The following KCNB2 variants were observed in gnomAD, a reference collection of about 807,000 sequenced individuals.
The protein encoded by KCNB2 is potassium voltage-gated channel subfamily B member 2, also known as delayed rectifier potassium channel protein.
Under a neutral mutation model 61.5 loss-of-function variants are expected in KCNB2, and 15 were observed. That is an observed-to-expected ratio of 0.24 (90% CI 0.16 to 0.38). The LOEUF (loss-of-function observed/expected upper bound fraction) is 0.38, where lower values mean the gene tolerates loss of function less well. Ranked by LOEUF, KCNB2 falls within the 10% of genes least tolerant of loss-of-function variation. The probability of loss-of-function intolerance (pLI) is 1.00; values close to 1 mark genes in which losing one functional copy is unlikely to be tolerated. For missense variants in KCNB2, 828 were observed against 1,125.2 expected (o/e 0.74, Z 3.78); for synonymous variants, 457 against 446.0 (o/e 1.02, Z -0.31).
intron 2 of KCNB2, among the ~76,000 whole-genome samples, chr8:72,575,006 A>G (rs1806773247): frequency 6.6e-6 from 1 of 152,216 alleles, no homozygotes; most frequent in Non-Finnish European, 1.5e-5. Flanking sequence ...ATTAAAAGGA[A>G]GAAGACAAAC....
At chr8:72,799,937 G>A (rs1353235533) in intron 2 of KCNB2, among the ~76,000 whole-genome samples, 1 of 152,120 alleles carries the variant, frequency 6.6e-6, no homozygotes, top group African/African-American at 2.4e-5. Context: ...TGGCAAGGCT[G>A]CGGTCCATTT....
At chr8:72,613,597 G>C (rs970877562) in intron 2 of KCNB2, among the ~76,000 whole-genome samples, 4 of 152,156 alleles carry the variant, frequency 2.6e-5, no homozygotes, top group Non-Finnish European at 2.9e-5. Flanking sequence ...GTGTTCAGTT[G>C]GTGATACATC....
intron 2 of KCNB2, among the ~76,000 whole-genome samples, chr8:72,732,504 T>G (rs1450318404): frequency 1.3e-5 from 2 of 152,350 alleles, no homozygotes; most frequent in South Asian, 4.1e-4. Flanking sequence ...CAAGAATATG[T>G]GACTAACAGA....
rs190352527 is a variant in KCNB2, at chr8:72,746,819, T to C, written c.579+178506T>C. ...CACAAAATTGAATCACCCAAATGTT[T>C]CCAAGCAGTGAGTAGACCAACCATC... On this transcript the variant is annotated intron_variant, in intron 2 of 2. Transcript: ENST00000523207. 4.6e-5 allele frequency among the ~76,000 whole-genome samples: 7 copies of C among 152,258 alleles called. No individual in the cohort carries two copies. In the East Asian group the frequency reaches 1.2e-3, roughly 25 times the overall value.
At chr8:72,782,291 G>A (rs994192148) in intron 2 of KCNB2, among the ~76,000 whole-genome samples, 3 of 152,026 alleles carry the variant, frequency 2.0e-5, no homozygotes, top group African/African-American at 7.2e-5. Flanking sequence ...TAGATATAGG[G>A]AAAAATTGTA....
chr8:72,545,896 T>C (rs1229764039), intron 1 of KCNB2, among the ~76,000 whole-genome samples: 1 of 152,158 alleles, frequency 6.6e-6, no homozygotes, highest in Non-Finnish European at 1.5e-5. Context: ...ATTGCTGATA[T>C]GGAGAAAGTT....
At chr8:72,738,282 C>A (rs1807884375) in intron 2 of KCNB2, among the ~76,000 whole-genome samples, 2 of 152,300 alleles carry the variant, frequency 1.3e-5, no homozygotes, top group South Asian at 2.1e-4. Context: ...TTCTGAACTA[C>A]AAACATGTAT....
intron 2 of KCNB2, among the ~76,000 whole-genome samples, chr8:72,918,526 C>T (rs1044943278): frequency 6.6e-6 from 1 of 152,118 alleles, no homozygotes; most frequent in Non-Finnish European, 1.5e-5. Context: ...ATGAAAATAA[C>T]ACATATTCAA....
chr8:72,852,124 G>A (rs1810127148), intron 2 of KCNB2, among the ~76,000 whole-genome samples: 1 of 152,026 alleles, frequency 6.6e-6, no homozygotes, highest in South Asian at 2.1e-4. Context: ...GCCAGGCTTG[G>A]TGGCGCACAT....
chr8:72,553,009 TTCC>T (rs1199892269), intron 1 of KCNB2, among the ~76,000 whole-genome samples: 1 of 152,114 alleles, frequency 6.6e-6, no homozygotes, highest in African/African-American at 2.4e-5. Context: ...TTCATTTCTT[TTCC>T]TTTGTGCTTA....
chr8:72,792,802 A>G (rs1808967718), intron 2 of KCNB2, among the ~76,000 whole-genome samples: 1 of 152,250 alleles, frequency 6.6e-6, no homozygotes, highest in African/African-American at 2.4e-5. Flanking sequence ...CCAGTTAAGT[A>G]TCTTACCTTG....
intron 2 of KCNB2, among the ~76,000 whole-genome samples, chr8:72,763,552 C>A (rs1451818295): frequency 6.6e-6 from 1 of 152,122 alleles, no homozygotes; most frequent in Non-Finnish European, 1.5e-5. Context: ...AAACACAAAA[C>A]CCAAGGAGAG....
In KCNB2 at chr8:72,594,949, A is replaced by T. The variant is rs1807163829; in HGVS notation, c.579+26636A>T. Among the ~76,000 whole-genome samples, 3 of 152,330 alleles carry T rather than the reference A, an allele frequency of 2.0e-5. No homozygotes were observed. In the South Asian group the frequency reaches 6.2e-4, roughly 32 times the overall value. On this transcript the variant is annotated intron_variant, in intron 2 of 2. Transcript: ENST00000523207. Reference sequence around the variant, plus strand: ...TTAAAAAACACCAAGCCAACAGAGGAGACAGAAAACAAGAATTCGTACAAG... The same window carrying T: ...TTAAAAAACACCAAGCCAACAGAGGTGACAGAAAACAAGAATTCGTACAAG...
At chr8:72,815,252 G>A (rs191381397) in intron 2 of KCNB2, among the ~76,000 whole-genome samples, 9 of 151,930 alleles carry the variant, frequency 5.9e-5, no homozygotes, top group African/African-American at 7.3e-5. Context: ...ATTCTGAAAC[G>A]GTTTCTGGGA....
At chr8:72,725,696 C>T (rs1807638934) in intron 2 of KCNB2, among the ~76,000 whole-genome samples, 1 of 149,550 alleles carries the variant, frequency 6.7e-6, no homozygotes, top group Non-Finnish European at 1.5e-5. Flanking sequence ...GTTTGCTTGC[C>T]GGACCTCCTT....
intron 2 of KCNB2, chr8:72,751,529 C>G (rs1396092678): frequency 1.3e-5 from 2 of 152,098 alleles, no homozygotes; most frequent in Admixed American, 1.3e-4. Context: ...TTCTGGAAAC[C>G]CTGCCTTCAT....
Position 72,567,677 on chromosome 8 carries a change from T to A in KCNB2, c.-58T>A, listed in dbSNP as rs576793023. 38 of 1,178,152 alleles carry A rather than the reference T, an allele frequency of 3.2e-5. No individual in the cohort carries two copies. In the African/African-American group the frequency reaches 4.3e-4, roughly 13 times the overall value. The allele number at this position is 1,178,152 out of a possible 1,614,324, so 73.0% of individuals were successfully genotyped here. ...GGAAATGCCTGCCCCAGAGGGATAT[T>A]GCTTCAGTTGACCTCATTTTTTAAG... On this transcript the variant is annotated 5_prime_UTR_variant, in exon 2 of 3. Transcript: ENST00000523207.
intron 2 of KCNB2, among the ~76,000 whole-genome samples, chr8:72,899,391 G>A (rs1806046597): frequency 6.6e-6 from 1 of 152,038 alleles, no homozygotes; most frequent in Admixed American, 6.6e-5. Context: ...GAGCAATCAG[G>A]CAAGAGAAAG....
chr8:72,858,381 A>G (rs1810239749), intron 2 of KCNB2, among the ~76,000 whole-genome samples: 1 of 152,184 alleles, frequency 6.6e-6, no homozygotes, highest in African/African-American at 2.4e-5. Context: ...TAACAGCACT[A>G]TTGTAACTTT....
Sources: allele counts gnomAD v4.1 joint callset (sites outside exome capture counted in the v4.1 genomes callset), GRCh38; gene constraint gnomAD v4.1.1; transcripts MANE v1.5; gene names NCBI Gene and HGNC (gene_info 2026-07-23, HGNC 2026-07-21).